DPP6: variants seen among roughly 807,000 people sequenced by gnomAD.
DPP6 encodes the protein A-type potassium channel modulatory protein DPP6.
DPP6 carries 69 observed loss-of-function variants against 122.6 expected under a neutral mutation model. The ratio of observed to expected loss-of-function variants is 0.56; its 90% CI spans 0.46 to 0.69. The LOEUF (loss-of-function observed/expected upper bound fraction) is 0.69. Among genes scored for constraint, DPP6 ranks in the 30% least tolerant of loss-of-function variants. DPP6 has a pLI of 0.00. For missense variants in DPP6, 928 were observed against 1,116.9 expected (o/e 0.83, Z 2.41); for synonymous variants, 418 against 433.1 (o/e 0.97, Z 0.43).
chr7:154,209,568 C>A (rs957376437), intron 1 of DPP6, among the ~76,000 whole-genome samples: 1 of 150,636 alleles, frequency 6.6e-6, no homozygotes, highest in Non-Finnish European at 1.5e-5. Flanking sequence ...AAAAACCTTT[C>A]TTCAGCTGCG....
At chr7:153,848,763 T>C in the DPP6 span, among the ~76,000 whole-genome samples, 1 of 152,256 alleles carries the variant, frequency 6.6e-6, no homozygotes, top group African/African-American at 2.4e-5. Context: ...TGTGTTGTTA[T>C]ATCAATCCTT....
chr7:154,307,507 A>G (rs1806457317), intron 1 of DPP6, among the ~76,000 whole-genome samples: 1 of 152,080 alleles, frequency 6.6e-6, no homozygotes, highest in Non-Finnish European at 1.5e-5. Flanking sequence ...ATGAAGTATA[A>G]TGAAGAGGGG....
At chr7:154,540,446 G>C in intron 3 of DPP6, 86 bp from the exon 4 acceptor site, 1 of 834,652 alleles carries the variant, frequency 1.2e-6, no homozygotes, top group Non-Finnish European at 2.0e-6. Flanking sequence ...CAGAACTAGT[G>C]ATTTTACTTT....
At chr7:153,970,364 T>C (rs1369716544) in intron 1 of DPP6, among the ~76,000 whole-genome samples, 2 of 152,326 alleles carry the variant, frequency 1.3e-5, no homozygotes, top group East Asian at 3.9e-4. Context: ...CTTCCTATTA[T>C]TGAATTGTAA....
chr7:154,146,754 A>G (rs1208367054), intron 1 of DPP6, among the ~76,000 whole-genome samples: 3 of 152,248 alleles, frequency 2.0e-5, no homozygotes, highest in Non-Finnish European at 4.4e-5. Context: ...TTAAAGGGCA[A>G]CGACCTAACA....
intron 1 of DPP6, among the ~76,000 whole-genome samples, chr7:154,438,434 C>T (rs1464266770): frequency 4.2e-5 from 5 of 119,384 alleles, no homozygotes; most frequent in Non-Finnish European, 8.0e-5. Context: ...AGCACCACTG[C>T]ACTCCAGCCT....
the DPP6 span, among the ~76,000 whole-genome samples, chr7:153,811,094 T>A: frequency 1.3e-5 from 2 of 152,118 alleles, no homozygotes; most frequent in African/African-American, 2.4e-5. Flanking sequence ...TAACCCAGAA[T>A]GACGGATGAG....
At chr7:153,838,686 G>A in the DPP6 span, among the ~76,000 whole-genome samples, 1 of 152,168 alleles carries the variant, frequency 6.6e-6, no homozygotes, top group African/African-American at 2.4e-5. Flanking sequence ...CCATCTTAAT[G>A]CCTTGGTGTA....
At chr7:153,920,602 C>A (rs1169925584) in intron 1 of DPP6, among the ~76,000 whole-genome samples, 6 of 120,934 alleles carry the variant, frequency 5.0e-5, no homozygotes, top group Non-Finnish European at 9.8e-5. Flanking sequence ...TCACTCTGTC[C>A]CAGGCTGGAG....
chr7:154,242,556 A>G (rs1801692163), intron 1 of DPP6, among the ~76,000 whole-genome samples: 1 of 152,236 alleles, frequency 6.6e-6, no homozygotes, highest in Non-Finnish European at 1.5e-5. Flanking sequence ...GTTTTAAGGC[A>G]TTAAACAACA....
At chr7:154,759,380 C>A (rs963320103) in intron 8 of DPP6, among the ~76,000 whole-genome samples, 3 of 152,220 alleles carry the variant, frequency 2.0e-5, no homozygotes, top group African/African-American at 7.2e-5. Flanking sequence ...TTCTCAATCA[C>A]ACAACTCAAG....
intron 1 of DPP6, among the ~76,000 whole-genome samples, chr7:153,983,196 T>C (rs1796678271): frequency 6.6e-6 from 1 of 152,214 alleles, no homozygotes; most frequent in Non-Finnish European, 1.5e-5. Context: ...GAGTTTTATC[T>C]ATATGCCCCT....
chr7:154,465,063 T>A (rs1273073145), intron 2 of DPP6, among the ~76,000 whole-genome samples: 1 of 152,236 alleles, frequency 6.6e-6, no homozygotes, highest in Non-Finnish European at 1.5e-5. Context: ...GAATGTGTTA[T>A]CTCTCACTCT....
At chr7:154,805,347 G>A (rs1187410368) in intron 15 of DPP6, among the ~76,000 whole-genome samples, 2 of 152,096 alleles carry the variant, frequency 1.3e-5, no homozygotes, top group East Asian at 1.9e-4. Flanking sequence ...AAACAAACCC[G>A]TGGGTCAGCA....
intron 6 of DPP6, among the ~76,000 whole-genome samples, chr7:154,658,356 A>G (rs1837403888): frequency 6.6e-6 from 1 of 152,224 alleles, no homozygotes; most frequent in Non-Finnish European, 1.5e-5. Context: ...TATAAAGCTT[A>G]TTAATTAAAA....
chr7:153,923,421 C>CT (rs1563011373), intron 1 of DPP6, among the ~76,000 whole-genome samples: 2 of 152,166 alleles, frequency 1.3e-5, no homozygotes, highest in South Asian at 2.1e-4. Flanking sequence ...TTTCCCCTTT[C>CT]TTAGGAAGTT....
At chr7:154,765,983 G>A (rs1261407880) in intron 8 of DPP6, among the ~76,000 whole-genome samples, 1 of 152,290 alleles carries the variant, frequency 6.6e-6, no homozygotes, top group East Asian at 1.9e-4. Flanking sequence ...GCAGAATAGG[G>A]ACATTTGGAA....
chr7:154,661,999 T>G (rs570494253), intron 6 of DPP6, among the ~76,000 whole-genome samples: 1 of 146,344 alleles, frequency 6.8e-6, no homozygotes, highest in African/African-American at 2.5e-5. Flanking sequence ...AGTGTTCATA[T>G]AGTCATGGTG....
intron 1 of DPP6, among the ~76,000 whole-genome samples, chr7:154,169,805 AC>A (rs1210380456): frequency 2.6e-5 from 4 of 152,084 alleles, no homozygotes; most frequent in Non-Finnish European, 5.9e-5. Context: ...ATCTTGGCTC[AC>A]CCCAACCTCT....
Sources: gnomAD v4.1 joint callset for allele counts (sites outside exome capture counted in the v4.1 genomes callset) on GRCh38, gnomAD v4.1.1 for gene constraint, MANE v1.5 for transcripts, NCBI Gene and HGNC (gene_info 2026-07-23, HGNC 2026-07-21) for gene names.